Variants in TRAPPC8 observed in about 807,000 individuals in gnomAD.
TRAPPC8 encodes the protein general sporulation gene 1 homolog.
A neutral mutation model predicts 174.3 loss-of-function variants in TRAPPC8; 54 were observed. The observed-to-expected ratio is 0.31, with a 90% confidence interval of 0.25 to 0.39. TRAPPC8 has a LOEUF of 0.39. Among genes scored for constraint, TRAPPC8 ranks in the 10% least tolerant of loss-of-function variants. The probability of loss-of-function intolerance (pLI) is 1.00; values close to 1 mark genes in which losing one functional copy is unlikely to be tolerated. For synonymous variants in TRAPPC8, 630 were observed against 579.9 expected, an observed-to-expected ratio of 1.09 and a Z score of -1.24; for missense variants, 1,531 against 1,699.1, an observed-to-expected ratio of 0.90 and a Z score of 1.74.
intron 13 of TRAPPC8, 35 bp from the exon 14 acceptor site, chr18:31,873,573 T>C: frequency 2.0e-6 from 3 of 1,485,264 alleles, no homozygotes; most frequent in Non-Finnish European, 2.8e-6. Context: ...AAAGTAGTTT[T>C]TGTGAAAATG....
chr18:31,915,482 G>GGGGGC (rs1436517784), intron 4 of TRAPPC8, among the ~76,000 whole-genome samples: 6 of 116,962 alleles, frequency 5.1e-5, no homozygotes, highest in African/African-American at 1.9e-4. Flanking sequence ...GGGGGGGGGC[G>GGGGGC]CAGGCGCAGT....
intron 19 of TRAPPC8, among the ~76,000 whole-genome samples, chr18:31,861,935 AAG>A (rs1491478002): frequency 0.062 from 2,874 of 46,064 alleles, 48 homozygotes; most frequent in African/African-American, 0.12. Flanking sequence ...GAAAAAAAAA[AAG>A]GGGGGGGGGG....
intron 19 of TRAPPC8, among the ~76,000 whole-genome samples, chr18:31,864,003 T>A: frequency 6.8e-6 from 1 of 147,462 alleles, no homozygotes; most frequent in Non-Finnish European, 1.5e-5. Context: ...TTATAATACT[T>A]TATTATAATA....
intron 2 of TRAPPC8, among the ~76,000 whole-genome samples, chr18:31,924,733 C>G (rs987602544): frequency 6.3e-5 from 7 of 110,908 alleles, no homozygotes; most frequent in Admixed American, 1.0e-4. Flanking sequence ...AGCGAAACTC[C>G]GTCTCAAAAA....
intron 26 of TRAPPC8, among the ~76,000 whole-genome samples, chr18:31,841,474 T>C (rs1191264759): frequency 6.6e-6 from 1 of 152,112 alleles, no homozygotes; most frequent in Non-Finnish European, 1.5e-5. Flanking sequence ...AGCCTTTACA[T>C]GTGGGATGTA....
chr18:31,874,022 T>C (rs951718454), intron 13 of TRAPPC8: 14 of 183,508 alleles, frequency 7.6e-5, no homozygotes, highest in Admixed American at 5.6e-4. Context: ...AAACAGTCCT[T>C]CTTCCTGTTA....
intron 19 of TRAPPC8, among the ~76,000 whole-genome samples, chr18:31,859,906 C>T (rs181718983): frequency 6.6e-6 from 1 of 151,906 alleles, no homozygotes; most frequent in South Asian, 2.1e-4. Context: ...ATCCCAGCTA[C>T]TCAGGAGGCT....
At chr18:31,931,681 T>A (rs940852789) in intron 1 of TRAPPC8, among the ~76,000 whole-genome samples, 158 bp from the exon 2 acceptor site, 1 of 152,134 alleles carries the variant, frequency 6.6e-6, no homozygotes, top group Admixed American at 6.6e-5. Flanking sequence ...TTGACAACAT[T>A]CCCTCATATA....
chr18:31,934,121 GA>G (rs1241922203), intron 1 of TRAPPC8, among the ~76,000 whole-genome samples: 4 of 151,888 alleles, frequency 2.6e-5, no homozygotes, highest in African/African-American at 9.7e-5. Flanking sequence ...CCAGGAGGCA[GA>G]AGTTGCAGTG....
At chr18:31,887,791 A>G (rs2035787250) in intron 12 of TRAPPC8, among the ~76,000 whole-genome samples, 1 of 150,360 alleles carries the variant, frequency 6.7e-6, no homozygotes, top group Non-Finnish European at 1.5e-5. Context: ...TACCAGCACA[A>G]GACAAGGATG....
intron 26 of TRAPPC8, among the ~76,000 whole-genome samples, chr18:31,843,625 C>G (rs2033229760): frequency 6.6e-6 from 1 of 152,152 alleles, no homozygotes; most frequent in African/African-American, 2.4e-5. Flanking sequence ...TTTCTTAATG[C>G]AGTGGAATGA....
chr18:31,873,005 T>C (rs2034951713), intron 14 of TRAPPC8, among the ~76,000 whole-genome samples: 1 of 146,232 alleles, frequency 6.8e-6, no homozygotes, highest in South Asian at 2.2e-4. Context: ...CTATTCATTT[T>C]CCTTTTTTTT....
chr18:31,926,118 T>C (rs2037604288), intron 2 of TRAPPC8, among the ~76,000 whole-genome samples: 1 of 152,164 alleles, frequency 6.6e-6, no homozygotes, highest in Non-Finnish European at 1.5e-5. Context: ...CAGCTTTTAT[T>C]TCATTATATT....
chr18:31,940,150 T>C (rs1458096367), intron 1 of TRAPPC8, among the ~76,000 whole-genome samples: 2 of 152,206 alleles, frequency 1.3e-5, no homozygotes, highest in East Asian at 1.9e-4. Flanking sequence ...TAGTAACATT[T>C]TGGAAATACT....
intron 19 of TRAPPC8, among the ~76,000 whole-genome samples, chr18:31,858,339 A>G (rs923775850): frequency 2.6e-5 from 4 of 152,232 alleles, no homozygotes; most frequent in African/African-American, 7.2e-5. Context: ...TATAACCCTT[A>G]TAACTGTCAA....
intron 1 of TRAPPC8, 150 bp from the exon 2 acceptor site, chr18:31,931,673 G>T: frequency 1.7e-6 from 1 of 587,676 alleles, no homozygotes; most frequent in Non-Finnish European, 2.8e-6. Context: ...ATAAATGGTT[G>T]ACAACATTCC....
At chr18:31,891,243 A>G (rs1355931185) in intron 11 of TRAPPC8, 1 of 152,518 alleles carries the variant, frequency 6.6e-6, no homozygotes, top group African/African-American at 2.4e-5. Flanking sequence ...ACACCAATCG[A>G]ATTTCCTCTG....
chr18:31,929,177 G>A (rs1250277062), intron 2 of TRAPPC8, among the ~76,000 whole-genome samples: 9 of 145,630 alleles, frequency 6.2e-5, no homozygotes, highest in African/African-American at 1.0e-4. Context: ...GTGAGACTCC[G>A]TCTCAAAAAA....
chr18:31,877,237 G>A (rs765408673), intron 12 of TRAPPC8, among the ~76,000 whole-genome samples: 4 of 152,194 alleles, frequency 2.6e-5, no homozygotes, highest in Non-Finnish European at 4.4e-5. Flanking sequence ...GAACACAGGA[G>A]AGGTTCTCCC....
Sources: allele counts gnomAD v4.1 joint callset (sites outside exome capture counted in the v4.1 genomes callset), GRCh38; gene constraint gnomAD v4.1.1; transcripts MANE v1.5; gene names NCBI Gene and HGNC (gene_info 2026-07-23, HGNC 2026-07-21).